Variants in NRXN1 observed in about 807,000 individuals in gnomAD.
The protein encoded by NRXN1 is neurexin-1.
In NRXN1, 39 loss-of-function variants were observed where a neutral mutation model predicts 150.9. The ratio of observed to expected loss-of-function variants is 0.26; its 90% CI spans 0.20 to 0.34. NRXN1 has a LOEUF of 0.34. NRXN1 is among the 10% of genes least tolerant of loss of function. The pLI is 1.00. For missense variants in NRXN1, 1,815 were observed against 1,949.9 expected, an observed-to-expected ratio of 0.93 and a Z score of 1.30; for synonymous variants, 924 against 757.0, an observed-to-expected ratio of 1.22 and a Z score of -3.62.
intron 9 of NRXN1, among the ~76,000 whole-genome samples, chr2:50,545,505 A>G (rs137879767): frequency 7.6e-4 from 116 of 152,260 alleles, no homozygotes; most frequent in African/African-American, 2.4e-3. Context: ...GGCAAGCCCA[A>G]TGAAGAGATT....
chr2:50,595,248 CA>C (rs1343329450), intron 8 of NRXN1, among the ~76,000 whole-genome samples: 5 of 151,984 alleles, frequency 3.3e-5, no homozygotes, highest in Non-Finnish European at 7.4e-5. Context: ...CCTGATTTGA[CA>C]GAAAACATAT....
chr2:50,569,389 A>G (rs1363695625), intron 8 of NRXN1, among the ~76,000 whole-genome samples: 1 of 152,118 alleles, frequency 6.6e-6, no homozygotes, highest in East Asian at 1.9e-4. Context: ...ACCTGTATCA[A>G]AATATCTTAT....
intron 17 of NRXN1, among the ~76,000 whole-genome samples, chr2:50,428,402 G>A (rs890403693): frequency 2.0e-5 from 3 of 152,220 alleles, no homozygotes; most frequent in Non-Finnish European, 2.9e-5. Flanking sequence ...GCGACAGAGC[G>A]AAACCCTGTC....
chr2:50,540,465 TC>T lies in NRXN1; in HGVS notation c.1760-1830del, dbSNP rs373872447. On this transcript the variant is annotated intron_variant, in intron 9 of 22. Coordinates refer to ENST00000401669, the MANE Select transcript of NRXN1 (RefSeq NM_001330078.2). ...CGATCATTACACGCATTTTAAAGCA[TC>T]ATTTTTTATATAGCCCTATTCAAAA... is the stretch of plus-strand genomic sequence containing the variant. Among the ~76,000 whole-genome samples the T allele has an allele frequency of 5.3e-3, 813 of 152,278 alleles. 6 individuals are homozygous for T. The highest frequency in any genetic ancestry group is 0.019 in the African/African-American group (780 of 41,566).
intron 15 of NRXN1, among the ~76,000 whole-genome samples, chr2:50,494,121 A>G (rs2091423842): frequency 6.6e-6 from 1 of 152,210 alleles, no homozygotes; most frequent in African/African-American, 2.4e-5. Context: ...TTCTCAGGAG[A>G]CAGTGTCCTA....
intron 2 of NRXN1, among the ~76,000 whole-genome samples, chr2:51,021,371 C>T (rs957360025): frequency 4.0e-5 from 6 of 151,818 alleles, no homozygotes; most frequent in Non-Finnish European, 7.4e-5. Flanking sequence ...ATGTGGTCAA[C>T]GACTATTTTC....
At chr2:50,155,876 T>C (rs1218260976) in intron 18 of NRXN1, among the ~76,000 whole-genome samples, 1 of 151,590 alleles carries the variant, frequency 6.6e-6, no homozygotes, top group East Asian at 1.9e-4. Flanking sequence ...ATTTCTACTG[T>C]TTAAAAAAAA....
chr2:50,235,040 C>T (rs965294811), intron 18 of NRXN1, among the ~76,000 whole-genome samples: 1 of 152,028 alleles, frequency 6.6e-6, no homozygotes, highest in Admixed American at 6.6e-5. Context: ...AATAACACAG[C>T]CCCTTGTGAT....
chr2:50,379,987 A>C (rs2080833297), intron 17 of NRXN1, among the ~76,000 whole-genome samples: 1 of 152,178 alleles, frequency 6.6e-6, no homozygotes, highest in Non-Finnish European at 1.5e-5. Flanking sequence ...AAAAACCTTA[A>C]AGAAAAAACA....
At chr2:50,258,381 T>C (rs1017510763) in intron 17 of NRXN1, among the ~76,000 whole-genome samples, 2 of 152,070 alleles carry the variant, frequency 1.3e-5, no homozygotes, top group Non-Finnish European at 2.9e-5. Context: ...TTTCATCTCA[T>C]GAAACCACAT....
rs2087033951 is a variant in NRXN1 at position 50,452,204 on chromosome 2, C to T, written c.3364+13238G>A. On this transcript the variant is annotated intron_variant, in intron 17 of 22. Coordinates refer to ENST00000401669, the MANE Select transcript of NRXN1 (RefSeq NM_001330078.2). ...GGAAGACATCCCATTAATCAGATTTCTTTTTCCAAGTTCTTCCTTTTTATA... is the reference window on the plus strand; with the variant it reads ...GGAAGACATCCCATTAATCAGATTTTTTTTTCCAAGTTCTTCCTTTTTATA... Among the ~76,000 whole-genome samples, 3 of 152,144 alleles carry T rather than the reference C, an allele frequency of 2.0e-5. No homozygotes were observed. In the South Asian group the frequency reaches 6.2e-4, roughly 31 times the overall value.
At chr2:50,882,457 A>G (rs1679590041) in intron 5 of NRXN1, among the ~76,000 whole-genome samples, 1 of 151,886 alleles carries the variant, frequency 6.6e-6, no homozygotes, top group African/African-American at 2.4e-5. Context: ...GAATTTGTGT[A>G]ACAGCCCAGG....
chr2:50,159,887 G>GA (rs781702744), intron 18 of NRXN1, among the ~76,000 whole-genome samples: 56 of 151,338 alleles, frequency 3.7e-4, no homozygotes, highest in Non-Finnish European at 5.9e-4. Flanking sequence ...TGCTGTGGAA[G>GA]AAAAAAAAAT....
chr2:50,759,118 G>T (rs1489639881), intron 5 of NRXN1, among the ~76,000 whole-genome samples: 1 of 151,910 alleles, frequency 6.6e-6, no homozygotes, highest in Non-Finnish European at 1.5e-5. Context: ...AACTGGAAAA[G>T]AATTTTAAAC....
intron 5 of NRXN1, among the ~76,000 whole-genome samples, chr2:50,725,583 G>A (rs1697244382): frequency 6.6e-6 from 1 of 152,088 alleles, no homozygotes; most frequent in African/African-American, 2.4e-5. Context: ...AATTTTTCCA[G>A]CACAAGGGGC....
intron 21 of NRXN1, among the ~76,000 whole-genome samples, chr2:50,020,499 A>ACC (rs1687407762): frequency 6.6e-6 from 1 of 152,248 alleles, no homozygotes; most frequent in African/African-American, 2.4e-5. Context: ...TTATCCTCAG[A>ACC]GTATGCTTTA....
At chr2:50,301,950 G>A (rs1415923665) in intron 17 of NRXN1, among the ~76,000 whole-genome samples, 2 of 152,088 alleles carry the variant, frequency 1.3e-5, no homozygotes, top group Admixed American at 1.3e-4. Flanking sequence ...TCTCTTTTGT[G>A]TTCTTCCCTT....
chr2:50,266,475 T>C (rs1272988833), intron 17 of NRXN1, among the ~76,000 whole-genome samples: 2 of 147,732 alleles, frequency 1.4e-5, no homozygotes, highest in South Asian at 2.1e-4. Flanking sequence ...TATAACTCTA[T>C]AATATATATA....
intron 18 of NRXN1, among the ~76,000 whole-genome samples, chr2:50,211,749 A>G (rs183885735): frequency 2.6e-5 from 4 of 151,682 alleles, no homozygotes; most frequent in East Asian, 1.9e-4. Context: ...TAATGTATCA[A>G]TTATACATAT....
Sources: gnomAD v4.1 joint callset for allele counts (sites outside exome capture counted in the v4.1 genomes callset) on GRCh38, gnomAD v4.1.1 for gene constraint, MANE v1.5 for transcripts, NCBI Gene and HGNC (gene_info 2026-07-23, HGNC 2026-07-21) for gene names.